CTDSPL: variants seen among roughly 807,000 people sequenced by gnomAD.
CTDSPL encodes the protein CTD small phosphatase-like protein.
Under a neutral mutation model 30.5 loss-of-function variants are expected in CTDSPL, and 8 were observed. That is an observed-to-expected ratio of 0.26 (90% CI 0.15 to 0.47). The LOEUF is 0.47. Among genes scored for constraint, CTDSPL ranks in the 20% least tolerant of loss-of-function variants. CTDSPL has a pLI of 0.99. For missense variants in CTDSPL, 248 were observed against 366.1 expected (o/e 0.68, Z 2.63); for synonymous variants, 110 against 137.9 (o/e 0.80, Z 1.42).
chr3:37,978,506 A>G (rs930116842), intron 7 of CTDSPL, among the ~76,000 whole-genome samples: 2 of 152,112 alleles, frequency 1.3e-5, no homozygotes, highest in African/African-American at 4.8e-5. Context: ...TTTATACAAT[A>G]TTTTTTATAA....
chr3:37,960,622 C>T (rs542301980), intron 3 of CTDSPL, among the ~76,000 whole-genome samples: 38 of 142,876 alleles, frequency 2.7e-4, no homozygotes, highest in African/African-American at 9.4e-4. Flanking sequence ...CCAGCTAACT[C>T]GGGAGGCTGA....
intron 4 of CTDSPL, 86 bp downstream of exon 4, chr3:37,964,758 T>A (rs1450268887): frequency 9.6e-7 from 1 of 1,037,964 alleles, no homozygotes; most frequent in Non-Finnish European, 1.5e-6. Context: ...GGATGAAAGC[T>A]TATGGTGGTT....
At chr3:37,933,409 T>G (rs1163245570) in intron 1 of CTDSPL, among the ~76,000 whole-genome samples, 1 of 152,188 alleles carries the variant, frequency 6.6e-6, no homozygotes. Flanking sequence ...CATATAAGAT[T>G]GTACATATAC....
intron 1 of CTDSPL, 114 bp from the exon 2 acceptor site, chr3:37,946,943 T>G: frequency 8.6e-7 from 1 of 1,161,956 alleles, no homozygotes. Context: ...GAGCAGGCCC[T>G]CAGGGCTGGA....
At chr3:37,910,078 A>G (rs920180539) in intron 1 of CTDSPL, among the ~76,000 whole-genome samples, 2 of 152,242 alleles carry the variant, frequency 1.3e-5, no homozygotes, top group East Asian at 3.8e-4. Context: ...TGAGGAGAAT[A>G]ATAGTACCTC....
intron 1 of CTDSPL, among the ~76,000 whole-genome samples, chr3:37,900,191 G>A (rs1221018974): frequency 6.6e-6 from 1 of 152,238 alleles, no homozygotes; most frequent in Non-Finnish European, 1.5e-5. Context: ...GAAGGCTTGA[G>A]TGTGAGCGGG....
intron 2 of CTDSPL, chr3:37,955,278 C>G (rs1363427058): frequency 1.3e-5 from 2 of 152,178 alleles, no homozygotes; most frequent in African/African-American, 4.8e-5. Flanking sequence ...TCTGAAGTGA[C>G]CCAGCCAGGT....
At chr3:37,922,882 G>C (rs1698733746) in intron 1 of CTDSPL, among the ~76,000 whole-genome samples, 1 of 152,214 alleles carries the variant, frequency 6.6e-6, no homozygotes, top group South Asian at 2.1e-4. Flanking sequence ...CACAGGCTCA[G>C]AGCCCACAGG....
chr3:37,877,321 A>G (rs1575277736), intron 1 of CTDSPL, among the ~76,000 whole-genome samples: 1 of 151,644 alleles, frequency 6.6e-6, no homozygotes, highest in Non-Finnish European at 1.5e-5. Flanking sequence ...GAATTTGTCT[A>G]CTCCAGCTGC....
Position 37,971,392 on chromosome 3 carries a change from C to G in CTDSPL, c.427-15C>G. On this transcript the variant is annotated splice_polypyrimidine_tract_variant and intron_variant, in intron 5 of 7. Transcript: ENST00000273179. ...CTGCCACATCTGACCAGCCTGCTGT[C>G]TCCTGCCATTGCAGGTGTATGTGCT... 6.2e-7 allele frequency: 1 copy of G among 1,612,336 alleles called. No individual in the cohort carries two copies. The highest frequency in any genetic ancestry group is 1.1e-5 in the South Asian group (1 of 90,700).
intron 1 of CTDSPL, among the ~76,000 whole-genome samples, chr3:37,904,620 G>A (rs1698491387): frequency 6.6e-6 from 1 of 152,182 alleles, no homozygotes; most frequent in Non-Finnish European, 1.5e-5. Flanking sequence ...CCCTGGGAAT[G>A]GCATAGCTCA....
chr3:37,902,714 G>T (rs971649125), intron 1 of CTDSPL, among the ~76,000 whole-genome samples: 19 of 152,032 alleles, frequency 1.2e-4, no homozygotes, highest in African/African-American at 4.6e-4. Flanking sequence ...CAACATCTTG[G>T]GTGGGTCAGT....
At chr3:37,876,605 A>G (rs1575277386) in intron 1 of CTDSPL, among the ~76,000 whole-genome samples, 2 of 152,326 alleles carry the variant, frequency 1.3e-5, no homozygotes, top group East Asian at 3.9e-4. Context: ...TTGCTGTCCA[A>G]ATAACTTCCT....
chr3:37,949,617 C>T (rs892892433), intron 2 of CTDSPL, among the ~76,000 whole-genome samples: 10 of 152,216 alleles, frequency 6.6e-5, no homozygotes, highest in South Asian at 4.1e-4. Flanking sequence ...TCTCCTATTG[C>T]TCACACTGGT....
chr3:37,927,684 GTATA>G lies in CTDSPL; in HGVS notation c.80-19354_80-19351del, dbSNP rs71094933. On this transcript the variant is annotated intron_variant, in intron 1 of 7. Coordinates refer to ENST00000273179, the MANE Select transcript of CTDSPL (RefSeq NM_001008392.2). ...TGTGTGTGTGTGTGTGTGTGTATGTGTATATATATATATATATATATAAAAAATG... is the reference window on the plus strand; with the variant it reads ...TGTGTGTGTGTGTGTGTGTGTATGTGTATATATATATATATATAAAAAATG... Among the ~76,000 whole-genome samples, 25 of 117,768 alleles carry G rather than the reference GTATA, an allele frequency of 2.1e-4. No homozygotes were observed. The South Asian group carries it at 2.1e-3, about 10-fold the overall frequency. 77.3% of individuals were successfully genotyped at this position (117,768 alleles called of 152,430 possible). A position where few individuals can be genotyped will look rare whatever the true frequency, so the allele number is the denominator to read the frequency against.
At chr3:37,966,995 G>A (rs566060063) in intron 4 of CTDSPL, among the ~76,000 whole-genome samples, 4 of 152,334 alleles carry the variant, frequency 2.6e-5, no homozygotes, top group East Asian at 1.9e-4. Flanking sequence ...CATTGAGAAC[G>A]TAATGACTGC....
At chr3:37,967,762 G>A (rs1001868746) in intron 4 of CTDSPL, 64 bp from the exon 5 acceptor site, 1 of 1,239,266 alleles carries the variant, frequency 8.1e-7, no homozygotes, top group South Asian at 1.4e-5. Flanking sequence ...CTTTTTTCTT[G>A]CTAAAATTTC....
At chr3:37,959,514 G>A (rs534579798) in intron 3 of CTDSPL, among the ~76,000 whole-genome samples, 2 of 152,296 alleles carry the variant, frequency 1.3e-5, no homozygotes, top group African/African-American at 4.8e-5. Context: ...AAATGAAATT[G>A]TGTTGTATTC....
chr3:37,877,821 AGAGAGAGAGCGAGGAGGT>A (rs1294893929), intron 1 of CTDSPL, among the ~76,000 whole-genome samples: 1 of 152,150 alleles, frequency 6.6e-6, no homozygotes, highest in Non-Finnish European at 1.5e-5. Flanking sequence ...AGAGGAAGCA[AGAGAGAGAGCGAGGAGGT>A]CTCAGACTCT....
Sources: gnomAD v4.1 joint callset for allele counts (sites outside exome capture counted in the v4.1 genomes callset) on GRCh38, gnomAD v4.1.1 for gene constraint, MANE v1.5 for transcripts, NCBI Gene and HGNC (gene_info 2026-07-23, HGNC 2026-07-21) for gene names.